Variants in RAB31 observed in about 807,000 individuals in gnomAD.
RAB31 encodes ras-related protein Rab-31.
In RAB31, 21 loss-of-function variants were observed where a neutral mutation model predicts 25.6. The observed-to-expected ratio is 0.82, with a 90% CI of 0.58 to 1.18. The LOEUF is 1.18. RAB31 is among the 50% of genes most tolerant of loss of function. RAB31 has a pLI of 0.00. For synonymous variants in RAB31, 87 were observed against 84.0 expected, an observed-to-expected ratio of 1.04 and a Z score of -0.20; for missense variants, 196 against 250.1, an observed-to-expected ratio of 0.78 and a Z score of 1.46.
intron 2 of RAB31, among the ~76,000 whole-genome samples, chr18:9,782,209 T>C (rs2068408726): frequency 6.6e-6 from 1 of 152,232 alleles, no homozygotes; most frequent in African/African-American, 2.4e-5. Context: ...GCCTGGTCCC[T>C]AGACATTTCA....
intron 2 of RAB31, among the ~76,000 whole-genome samples, chr18:9,789,433 C>T (rs939725725): frequency 3.3e-5 from 5 of 152,102 alleles, no homozygotes; most frequent in Non-Finnish European, 5.9e-5. Flanking sequence ...GATGAATATG[C>T]CAATTACCCT....
intron 1 of RAB31, among the ~76,000 whole-genome samples, chr18:9,714,194 G>T (rs2068032434): frequency 6.6e-6 from 1 of 152,204 alleles, no homozygotes; most frequent in Non-Finnish European, 1.5e-5. Flanking sequence ...CTAGGACAGT[G>T]GTCCCCAACC....
intron 2 of RAB31, chr18:9,787,026 TA>T: frequency 5.4e-6 from 1 of 183,976 alleles, no homozygotes; most frequent in South Asian, 1.3e-4. Context: ...ACAAGCCTAT[TA>T]AAAATCAGCT....
At position 9,802,344 on chromosome 18, in the gene RAB31, G is replaced by A. The variant is rs769436445; in HGVS notation, c.201+10109G>A. Among the ~76,000 whole-genome samples, 6 of 152,308 alleles carry A rather than the reference G, an allele frequency of 3.9e-5. No individual in the cohort carries two copies. The South Asian group carries it at 8.3e-4, about 21-fold the overall frequency. On this transcript the variant is annotated intron_variant, in intron 3 of 6. Transcript: ENST00000578921. ...TCTTTCAACTCTTTGGAATTTACAT[G>A]TAGGTTAGAAATGCTGACCTCAGAG...
Position 9,778,059 on chromosome 18 carries a change from G to A in RAB31, c.119+2702G>A, listed in dbSNP as rs775322701. Among the ~76,000 whole-genome samples, 127 of 152,012 alleles carry A rather than the reference G, an allele frequency of 8.4e-4. 1 individual carries two copies. The highest frequency in any genetic ancestry group is 2.5e-4 in the Non-Finnish European group (17 of 68,000). On this transcript the variant is annotated intron_variant, in intron 2 of 6. Transcript: ENST00000578921. ...TGAGCCACTGCACCCGGCCTGTAAT[G>A]ACCTTTTTTAAAGTAAAAAGACAGT...
intron 1 of RAB31, among the ~76,000 whole-genome samples, chr18:9,749,039 C>T (rs751314974): frequency 3.3e-5 from 5 of 152,052 alleles, no homozygotes; most frequent in African/African-American, 4.8e-5. Context: ...TTGTTTTCTT[C>T]AAAGAACCAT....
At chr18:9,752,385 C>T (rs980579300) in intron 1 of RAB31, among the ~76,000 whole-genome samples, 2 of 152,092 alleles carry the variant, frequency 1.3e-5, no homozygotes, top group African/African-American at 2.4e-5. Context: ...CCACCACGCC[C>T]GGCTAAGTTT....
At chr18:9,803,261 G>T (rs1252862838) in intron 3 of RAB31, among the ~76,000 whole-genome samples, 27 of 145,252 alleles carry the variant, frequency 1.9e-4, no homozygotes, top group African/African-American at 7.0e-4. Flanking sequence ...TTTTAGGCAG[G>T]GTCTTGCTGT....
At chr18:9,856,131 T>G (rs755268724) in intron 6 of RAB31, 1 of 152,206 alleles carries the variant, frequency 6.6e-6, no homozygotes, top group Non-Finnish European at 1.5e-5. Flanking sequence ...ATAAGTGAAA[T>G]TTTGAATATT....
chr18:9,856,914 G>A (rs1452134463), intron 6 of RAB31, among the ~76,000 whole-genome samples: 1 of 152,112 alleles, frequency 6.6e-6, no homozygotes, highest in African/African-American at 2.4e-5. Context: ...GTAGTCATTG[G>A]AGACTTCCTT....
At chr18:9,807,643 A>G (rs2068548771) in intron 3 of RAB31, among the ~76,000 whole-genome samples, 1 of 152,108 alleles carries the variant, frequency 6.6e-6, no homozygotes, top group Non-Finnish European at 1.5e-5. Context: ...TATTCTAGGG[A>G]TTGGAATATT....
At chr18:9,807,241 G>C (rs1173926945) in intron 3 of RAB31, among the ~76,000 whole-genome samples, 1 of 152,176 alleles carries the variant, frequency 6.6e-6, no homozygotes, top group African/African-American at 2.4e-5. Flanking sequence ...GGGCATGTTC[G>C]GAGGCCTCCT....
Position 9,708,386 on chromosome 18 carries a change from C to T in RAB31, c.-20C>T. On this transcript the variant is annotated 5_prime_UTR_variant, in exon 1 of 7. Coordinates refer to ENST00000578921, the MANE Select transcript of RAB31 (RefSeq NM_006868.4). This position sits in a 1 kb window ranked among gnomAD's most constrained non-coding sequence, Gnocchi z 6.4. ...CCCGGAGGATGCTGCTGAGCCCCGG[C>T]ACTGCCTGGCTGCGAGCACATGATG... is the stretch of plus-strand genomic sequence containing the variant. 1 of 1,548,798 alleles carries T rather than the reference C, an allele frequency of 6.5e-7. No homozygotes were observed. The highest frequency in any genetic ancestry group is 8.7e-7 in the Non-Finnish European group (1 of 1,148,158).
intron 6 of RAB31, among the ~76,000 whole-genome samples, chr18:9,853,642 C>T (rs1294817087): frequency 1.3e-5 from 2 of 152,144 alleles, no homozygotes; most frequent in Admixed American, 6.5e-5. Context: ...ATAAAATATA[C>T]AGTGCCAAAA....
chr18:9,770,380 T>A (rs549802969), intron 1 of RAB31, among the ~76,000 whole-genome samples: 1 of 152,316 alleles, frequency 6.6e-6, no homozygotes, highest in African/African-American at 2.4e-5. Flanking sequence ...TTTCACAGAT[T>A]GGTGGTGCCT....
chr18:9,785,049 G>C (rs1314101094), intron 2 of RAB31: 1 of 152,352 alleles, frequency 6.6e-6, no homozygotes, highest in Non-Finnish European at 1.5e-5. Context: ...AAAGACCGAT[G>C]TTACTTGGGA....
rs563223433 is a variant in RAB31 at position 9,857,354 on chromosome 18, T to C, written c.491-1874T>C. ...CCTCTGCTGGGGTGTTTTGGTGCTC[T>C]ATATTGTCATTAGGTAACACCCACT... On this transcript the variant is annotated intron_variant, in intron 6 of 6. Coordinates refer to ENST00000578921, the MANE Select transcript of RAB31 (RefSeq NM_006868.4). Among the ~76,000 whole-genome samples, 6 of 152,280 alleles carry C rather than the reference T, an allele frequency of 3.9e-5. No individual in the cohort carries two copies. The South Asian group carries it at 1.2e-3, about 32-fold the overall frequency.
chr18:9,778,168 G>T (rs1242724498), intron 2 of RAB31, among the ~76,000 whole-genome samples: 1 of 152,142 alleles, frequency 6.6e-6, no homozygotes, highest in Non-Finnish European at 1.5e-5. Flanking sequence ...CGTAAATAGG[G>T]TAGTTACGTA....
chr18:9,855,304 C>A (rs532478168), intron 6 of RAB31, among the ~76,000 whole-genome samples: 1 of 152,126 alleles, frequency 6.6e-6, no homozygotes, highest in South Asian at 2.1e-4. Flanking sequence ...AAAATCCAAA[C>A]CCTATTAAAA....
Sources: gnomAD v4.1 joint callset for allele counts (sites outside exome capture counted in the v4.1 genomes callset) on GRCh38, gnomAD v4.1.1 for gene constraint, Gnocchi (gnomAD v3.1) non-coding constraint, MANE v1.5 for transcripts, NCBI Gene and HGNC (gene_info 2026-07-23, HGNC 2026-07-21) for gene names.